Variants in LIN7A observed in about 807,000 individuals in gnomAD.
The protein encoded by LIN7A is protein lin-7 homolog A.
Under a neutral mutation model 29.8 loss-of-function variants are expected in LIN7A, and 25 were observed. That is an observed-to-expected ratio of 0.84 (90% CI 0.61 to 1.17). The LOEUF is 1.17. Among genes scored for constraint, LIN7A ranks in the 50% most tolerant of loss-of-function variants. LIN7A has a pLI of 0.00. For missense variants in LIN7A, 239 were observed against 287.0 expected (o/e 0.83, Z 1.21); for synonymous variants, 118 against 107.5 (o/e 1.10, Z -0.60).
intron 1 of LIN7A, among the ~76,000 whole-genome samples, chr12:80,909,141 T>G (rs1439387878): frequency 6.6e-6 from 1 of 152,154 alleles, no homozygotes; most frequent in East Asian, 1.9e-4. Flanking sequence ...AGTTAATTTT[T>G]GATTATAGTG....
At chr12:80,934,699 A>G (rs1056177285) in intron 1 of LIN7A, among the ~76,000 whole-genome samples, 1 of 152,212 alleles carries the variant, frequency 6.6e-6, no homozygotes, top group Non-Finnish European at 1.5e-5. Context: ...AAAAATCTCC[A>G]CTAAATAGTA....
chr12:80,853,287 G>A (rs747290852), intron 2 of LIN7A, among the ~76,000 whole-genome samples: 50 of 151,362 alleles, frequency 3.3e-4, no homozygotes, highest in Non-Finnish European at 4.9e-4. Context: ...GTGCAAATTT[G>A]TTAATATGAG....
intron 1 of LIN7A, among the ~76,000 whole-genome samples, chr12:80,892,674 C>G (rs530331161): frequency 1.1e-3 from 162 of 152,192 alleles, no homozygotes; most frequent in Non-Finnish European, 1.9e-3. Context: ...CTTAACTGCA[C>G]ATTAAAATCA....
intron 4 of LIN7A, among the ~76,000 whole-genome samples, chr12:80,837,437 A>G (rs186478152): frequency 2.2e-4 from 34 of 152,250 alleles, no homozygotes; most frequent in African/African-American, 7.2e-4. Context: ...GCAGAGAAGA[A>G]GGTAATAACG....
chr12:80,865,988 C>T (rs1247600905), intron 2 of LIN7A, among the ~76,000 whole-genome samples: 1 of 152,060 alleles, frequency 6.6e-6, no homozygotes, highest in East Asian at 1.9e-4. Context: ...ATTAAAGGGC[C>T]TTAATCAAGG....
intron 1 of LIN7A, among the ~76,000 whole-genome samples, chr12:80,900,282 G>A (rs1190557126): frequency 6.6e-6 from 1 of 152,002 alleles, no homozygotes; most frequent in Non-Finnish European, 1.5e-5. Flanking sequence ...TCTGATTTTG[G>A]TTATTTTTTT....
At chr12:80,865,763 TA>T (rs1306054916) in intron 2 of LIN7A, among the ~76,000 whole-genome samples, 1 of 152,240 alleles carries the variant, frequency 6.6e-6, no homozygotes, top group Non-Finnish European at 1.5e-5. Context: ...TAGATGATGA[TA>T]AGTTCCCTTC....
Position 80,937,680 on chromosome 12 carries a change from C to T in LIN7A, c.43G>A (p.Ala15Thr), listed in dbSNP as rs1269089272. 6.4e-7 allele frequency: 1 copy of T among 1,566,532 alleles called. No homozygotes were observed. Among genetic ancestry groups the T allele is most frequent in the Non-Finnish European group, 8.7e-7 (1 of 1,152,720 alleles). Residue 15 changes from alanine to threonine, a missense_variant, in exon 1 of 6, where the codon GCG (alanine) becomes ACG (threonine). Ala to Thr is a moderately conservative substitution (Grantham distance 58). Coordinates refer to ENST00000552864, the MANE Select transcript of LIN7A (RefSeq NM_004664.4). Reference sequence around the variant, plus strand: ...AGCGGCTGGACCACTGTCAATGTCGCCATGTCTGCCGTGGGAGCCGAAGTG... The same window carrying T: ...AGCGGCTGGACCACTGTCAATGTCGTCATGTCTGCCGTGGGAGCCGAAGTG... ...SVTSAPTADM[A>T]TLTVVQPLTL...
chr12:80,919,948 G>A (rs768867394), intron 1 of LIN7A, among the ~76,000 whole-genome samples: 34 of 152,066 alleles, frequency 2.2e-4, no homozygotes, highest in Non-Finnish European at 4.6e-4. Flanking sequence ...CCTGGGGGAA[G>A]GTAGAGGGCA....
intron 4 of LIN7A, among the ~76,000 whole-genome samples, chr12:80,844,774 T>TAA (rs58243105): frequency 0.37 from 56,839 of 151,838 alleles, 10,709 homozygotes; most frequent in Non-Finnish European, 0.4. Context: ...CCAGAGAATA[T>TAA]GTTATGAGAA....
intron 4 of LIN7A, among the ~76,000 whole-genome samples, chr12:80,820,926 G>A (rs192696617): frequency 7.2e-4 from 109 of 152,244 alleles, no homozygotes; most frequent in Non-Finnish European, 1.3e-3. Context: ...GCTTAGAAAT[G>A]TACATACTCC....
chr12:80,897,811 T>A (rs566714378), intron 1 of LIN7A, among the ~76,000 whole-genome samples: 2,401 of 151,764 alleles, frequency 0.016, 63 homozygotes, highest in African/African-American at 0.055. Flanking sequence ...TCAAAAAAAA[T>A]AAAAAAAATT....
intron 4 of LIN7A, among the ~76,000 whole-genome samples, chr12:80,821,190 G>C (rs969857397): frequency 1.3e-5 from 2 of 152,158 alleles, no homozygotes; most frequent in Non-Finnish European, 2.9e-5. Flanking sequence ...CCAGGGATTG[G>C]GGTCAGGAGG....
At chr12:80,920,312 C>T (rs1399699297) in intron 1 of LIN7A, among the ~76,000 whole-genome samples, 1 of 152,050 alleles carries the variant, frequency 6.6e-6, no homozygotes, top group Non-Finnish European at 1.5e-5. Flanking sequence ...ATGTAAAAGC[C>T]ATTTTTAAGT....
chr12:80,813,103 C>G, intron 4 of LIN7A, among the ~76,000 whole-genome samples: 1 of 151,256 alleles, frequency 6.6e-6, no homozygotes, highest in Non-Finnish European at 1.5e-5. Flanking sequence ...CTCCGCCTCC[C>G]GGGTTCATGC....
chr12:80,834,040 C>T (rs1872501500), intron 4 of LIN7A, among the ~76,000 whole-genome samples: 1 of 152,154 alleles, frequency 6.6e-6, no homozygotes, highest in Non-Finnish European at 1.5e-5. Flanking sequence ...TTTTGCAAAA[C>T]CAAATCTAGT....
intron 1 of LIN7A, among the ~76,000 whole-genome samples, chr12:80,918,174 A>G (rs1877118343): frequency 6.6e-6 from 1 of 151,880 alleles, no homozygotes; most frequent in African/African-American, 2.4e-5. Context: ...CAGCCTCCCT[A>G]GTAGCTGGGA....
In LIN7A at chr12:80,937,734, C is replaced by G. The variant is rs1341686683; in HGVS notation, c.-12G>C. On this transcript the variant is annotated 5_prime_UTR_variant, in exon 1 of 6. Transcript: ENST00000552864. ...CTCGGCTTCAGCATCAGCAACCGCT[C>G]GTAGTGAGAAAAAAAGGAGGAGATT... is the stretch of plus-strand genomic sequence containing the variant. The G allele has an allele frequency of 8.3e-6, 10 of 1,211,338 alleles. No individual in the cohort carries two copies. The highest frequency in any genetic ancestry group is 1.5e-5 in the South Asian group (1 of 68,194). The allele number at this position is 1,211,338 out of a possible 1,614,324, so 75.0% of individuals were successfully genotyped here. A position where few individuals can be genotyped will look rare whatever the true frequency, so the allele number is the denominator to read the frequency against.
intron 1 of LIN7A, among the ~76,000 whole-genome samples, chr12:80,889,984 C>G (rs1285273252): frequency 6.6e-6 from 1 of 152,116 alleles, no homozygotes; most frequent in Non-Finnish European, 1.5e-5. Flanking sequence ...TGTTTCTTCT[C>G]CTCCAGCCTC....
Sources: gnomAD v4.1 joint callset for allele counts (sites outside exome capture counted in the v4.1 genomes callset) on GRCh38, gnomAD v4.1.1 for gene constraint, MANE v1.5 for transcripts, NCBI Gene and HGNC (gene_info 2026-07-23, HGNC 2026-07-21) for gene names.